The following EYA2 variants were observed in gnomAD, a reference collection of about 807,000 sequenced individuals.
EYA2 encodes the protein protein phosphatase EYA2.
Under a neutral mutation model 69.2 loss-of-function variants are expected in EYA2, and 31 were observed. The observed-to-expected ratio is 0.45, with a 90% CI of 0.34 to 0.60. The LOEUF (loss-of-function observed/expected upper bound fraction) is 0.60, where lower values mean the gene tolerates loss of function less well. Ranked by LOEUF, EYA2 falls within the 20% of genes least tolerant of loss-of-function variation. The probability of loss-of-function intolerance (pLI) is 0.02; values close to 1 mark genes in which losing one functional copy is unlikely to be tolerated. For synonymous variants in EYA2, 257 were observed against 279.4 expected (o/e 0.92, Z 0.80); for missense variants, 622 against 701.2 (o/e 0.89, Z 1.28).
At position 46,957,529 on chromosome 20, in the gene EYA2, TCACACACA is replaced by T. The variant is rs74176892; in HGVS notation, c.-10-32430_-10-32423del. ...TATAGGAGAGAGGCAGAAGGAGATT[TCACACACA>T]CACACACACACACACACACACACAC... On this transcript the variant is annotated intron_variant, in intron 1 of 15. Coordinates refer to ENST00000327619, the MANE Select transcript of EYA2 (RefSeq NM_005244.5). Among the ~76,000 whole-genome samples, 67 of 20,012 alleles carry T rather than the reference TCACACACA, an allele frequency of 3.3e-3. 2 individuals are homozygous for T. The highest frequency in any genetic ancestry group is 7.9e-3 in the African/African-American group (57 of 7,212). 13.1% of individuals were successfully genotyped at this position (20,012 alleles called of 152,430 possible).
At chr20:46,985,912 G>A (rs58418129) in intron 1 of EYA2, among the ~76,000 whole-genome samples, 6,567 of 152,182 alleles carry the variant, frequency 0.043, 484 homozygotes, top group African/African-American at 0.15. Context: ...TGGTCAGTTG[G>A]CTAACAATTT....
chr20:47,068,965 C>T (rs928156637), intron 5 of EYA2, among the ~76,000 whole-genome samples: 2 of 152,194 alleles, frequency 1.3e-5, no homozygotes, highest in African/African-American at 2.4e-5. Flanking sequence ...AAACCTCTGA[C>T]AGCAGTCCAT....
At chr20:47,157,256 A>G (rs1189360544) in intron 10 of EYA2, among the ~76,000 whole-genome samples, 1 of 146,898 alleles carries the variant, frequency 6.8e-6, no homozygotes. Flanking sequence ...CAGGAGGCTG[A>G]GGCAGAACAA....
chr20:47,100,003 C>CTTTGG (rs58530559), intron 9 of EYA2, among the ~76,000 whole-genome samples: 22 of 151,658 alleles, frequency 1.5e-4, no homozygotes, highest in African/African-American at 5.1e-4. Context: ...GGACAGGGAC[C>CTTTGG]TTTGGTTTGG....
chr20:47,182,971 C>T (rs1244717190), intron 14 of EYA2, among the ~76,000 whole-genome samples: 1 of 152,164 alleles, frequency 6.6e-6, no homozygotes, highest in African/African-American at 2.4e-5. Context: ...GCATCAAGTG[C>T]ATTCAAATGG....
intron 5 of EYA2, among the ~76,000 whole-genome samples, chr20:47,026,980 A>T (rs1984128148): frequency 6.8e-6 from 1 of 146,344 alleles, no homozygotes; most frequent in African/African-American, 2.5e-5. Flanking sequence ...GGCTGGCTTC[A>T]TGCCCACATC....
chr20:47,130,261 C>CTTTTTTTTTTTTTTTTTTTTTTTT lies in EYA2; in HGVS notation c.889-12777_889-12776insTTTTTTTTTTTTTTTTTTTTTTTT, dbSNP rs74178703. ...AAAGAAATAAAAGAAGGTTTATTTT[C>CTTTTTTTTTTTTTTTTTTTTTTTT]TTTTTTTTTTTTTTTTTTTTTGAGA... is the stretch of plus-strand genomic sequence containing the variant. On this transcript the variant is annotated intron_variant, in intron 9 of 15. Coordinates refer to ENST00000327619, the MANE Select transcript of EYA2 (RefSeq NM_005244.5). 2.5e-5 allele frequency among the ~76,000 whole-genome samples: 2 copies of CTTTTTTTTTTTTTTTTTTTTTTTT among 81,260 alleles called. 1 individual carries two copies. Among genetic ancestry groups the CTTTTTTTTTTTTTTTTTTTTTTTT allele is most frequent in the African/African-American group, 1.2e-4 (2 of 17,372 alleles). The allele number at this position is 81,260 out of a possible 152,430, so 53.3% of individuals were successfully genotyped here.
intron 9 of EYA2, among the ~76,000 whole-genome samples, chr20:47,140,917 G>A (rs1459304712): frequency 6.6e-6 from 1 of 152,166 alleles, no homozygotes; most frequent in Non-Finnish European, 1.5e-5. Flanking sequence ...AAGATCACAT[G>A]GGGAGAGAGG....
chr20:47,160,519 T>TGA (rs1291941410), intron 10 of EYA2, among the ~76,000 whole-genome samples: 2 of 151,044 alleles, frequency 1.3e-5, no homozygotes, highest in Non-Finnish European at 3.0e-5. Context: ...GTGGAGGAGG[T>TGA]GAGAATGGTC....
intron 5 of EYA2, among the ~76,000 whole-genome samples, chr20:47,056,734 C>CTCAGGA (rs2030630718): frequency 6.6e-6 from 1 of 152,134 alleles, no homozygotes; most frequent in African/African-American, 2.4e-5. Flanking sequence ...GAGACAGGAC[C>CTCAGGA]CTGCTCTTTC....
At chr20:46,998,771 A>G (rs1468937464) in intron 2 of EYA2, among the ~76,000 whole-genome samples, 1 of 152,228 alleles carries the variant, frequency 6.6e-6, no homozygotes, top group African/African-American at 2.4e-5. Flanking sequence ...CAGTTTCTCA[A>G]TTCCTCCAGG....
At chr20:47,049,213 T>G (rs2030196869) in intron 5 of EYA2, among the ~76,000 whole-genome samples, 1 of 152,220 alleles carries the variant, frequency 6.6e-6, no homozygotes, top group Non-Finnish European at 1.5e-5. Context: ...GAAGCCCTTC[T>G]CCCGCTTTCC....
chr20:47,055,915 T>G (rs529476217), intron 5 of EYA2, among the ~76,000 whole-genome samples: 22 of 152,174 alleles, frequency 1.4e-4, no homozygotes, highest in African/African-American at 5.1e-4. Context: ...TGGACCGACA[T>G]GTGACAGCTT....
At chr20:47,083,450 C>T (rs936552183) in intron 7 of EYA2, among the ~76,000 whole-genome samples, 1 of 151,822 alleles carries the variant, frequency 6.6e-6, no homozygotes, top group Non-Finnish European at 1.5e-5. Context: ...TGGTGGCGCA[C>T]ACCTGTAATC....
At chr20:47,182,415 G>T (rs553915407) in intron 14 of EYA2, among the ~76,000 whole-genome samples, 75 of 150,592 alleles carry the variant, frequency 5.0e-4, no homozygotes, top group African/African-American at 1.8e-3. Context: ...ACTGCCTGAA[G>T]TCAGGCAGTT....
intron 5 of EYA2, among the ~76,000 whole-genome samples, chr20:47,027,144 G>T (rs1213529430): frequency 6.6e-6 from 1 of 152,266 alleles, no homozygotes; most frequent in Non-Finnish European, 1.5e-5. Flanking sequence ...GTATGTTTCA[G>T]AGAACTTGAG....
intron 9 of EYA2, among the ~76,000 whole-genome samples, chr20:47,125,675 C>T (rs1206823): frequency 6.6e-6 from 1 of 152,164 alleles, no homozygotes; most frequent in Non-Finnish European, 1.5e-5. Flanking sequence ...GTGTGTTAAT[C>T]CATTCCTGAC....
At chr20:46,939,522 A>G (rs73303686) in intron 1 of EYA2, among the ~76,000 whole-genome samples, 10,227 of 152,100 alleles carry the variant, frequency 0.067, 1,049 homozygotes, top group African/African-American at 0.22. Context: ...ATGTGAGTCA[A>G]TAAGTTCCCC....
At chr20:47,054,575 T>C (rs545252803) in intron 5 of EYA2, among the ~76,000 whole-genome samples, 80 of 152,248 alleles carry the variant, frequency 5.3e-4, no homozygotes, top group Non-Finnish European at 8.8e-4. Flanking sequence ...TCTTCACTAA[T>C]GCGGATAGAC....
Sources: gnomAD v4.1 joint callset for allele counts (sites outside exome capture counted in the v4.1 genomes callset) on GRCh38, gnomAD v4.1.1 for gene constraint, MANE v1.5 for transcripts, NCBI Gene and HGNC (gene_info 2026-07-23, HGNC 2026-07-21) for gene names.